ANK3: variants seen among roughly 807,000 people sequenced by gnomAD.
ANK3 encodes the protein ankyrin-3.
ANK3 carries 57 observed loss-of-function variants against 370.9 expected under a neutral mutation model. The observed-to-expected ratio is 0.15, with a 90% confidence interval of 0.12 to 0.19. ANK3 has a LOEUF of 0.19. ANK3 is among the 10% of genes least tolerant of loss of function. The pLI, the probability that ANK3 is intolerant of heterozygous loss-of-function variation, is 1.00. For missense variants in ANK3, 4,439 were observed against 5,302.1 expected (o/e 0.84, Z 5.06); for synonymous variants, 1,929 against 1,946.3 (o/e 0.99, Z 0.23).
At chr10:60,242,333 G>A (rs1215078820) in intron 7 of ANK3, among the ~76,000 whole-genome samples, 1 of 151,846 alleles carries the variant, frequency 6.6e-6, no homozygotes, top group African/African-American at 2.4e-5. Flanking sequence ...AGTAATATAT[G>A]GTATTATATG....
chr10:60,662,485 T>G (rs2078947379), intron 1 of ANK3, among the ~76,000 whole-genome samples: 1 of 152,192 alleles, frequency 6.6e-6, no homozygotes, highest in African/African-American at 2.4e-5. Context: ...ATCTTAGGAT[T>G]TGTTAGAACC....
At chr10:60,263,032 AAAG>A (rs1297227436) in intron 6 of ANK3, among the ~76,000 whole-genome samples, 1 of 152,222 alleles carries the variant, frequency 6.6e-6, no homozygotes, top group Non-Finnish European at 1.5e-5. Flanking sequence ...AAGGCGATGC[AAAG>A]AAGAAGGGAG....
At chr10:60,731,390 A>G (rs1333393633) in intron 1 of ANK3, among the ~76,000 whole-genome samples, 3 of 152,240 alleles carry the variant, frequency 2.0e-5, no homozygotes, top group Non-Finnish European at 2.9e-5. Flanking sequence ...GAGCTACAAT[A>G]TCTGCTATGG....
chr10:60,440,919 G>T (rs148339562), intron 2 of ANK3, among the ~76,000 whole-genome samples: 4 of 152,168 alleles, frequency 2.6e-5, no homozygotes, highest in Admixed American at 1.3e-4. Context: ...CTAAAAAAGG[G>T]TAGTTCTTCA....
chr10:60,505,092 G>A (rs889563977), intron 2 of ANK3, among the ~76,000 whole-genome samples: 4 of 152,108 alleles, frequency 2.6e-5, no homozygotes, highest in African/African-American at 4.8e-5. Flanking sequence ...ATATTTCAGC[G>A]CTCTCTACCC....
At chr10:60,202,403 G>A (rs867700065) in intron 12 of ANK3, among the ~76,000 whole-genome samples, 1 of 152,164 alleles carries the variant, frequency 6.6e-6, no homozygotes, top group African/African-American at 2.4e-5. Flanking sequence ...GATTACAAGC[G>A]TGAGCCACCG....
At chr10:60,385,950 A>T (rs1374114503) in intron 1 of ANK3, among the ~76,000 whole-genome samples, 2 of 152,172 alleles carry the variant, frequency 1.3e-5, no homozygotes, top group Non-Finnish European at 2.9e-5. Flanking sequence ...GGGAGAGGGC[A>T]TGACACGCAG....
intron 2 of ANK3, among the ~76,000 whole-genome samples, chr10:60,403,650 C>T (rs1301446941): frequency 3.9e-5 from 6 of 152,160 alleles, no homozygotes; most frequent in Non-Finnish European, 8.8e-5. Context: ...TGCAGCGGCG[C>T]GATCTCGGCT....
intron 2 of ANK3, among the ~76,000 whole-genome samples, chr10:60,533,018 G>A (rs2076644394): frequency 6.6e-6 from 1 of 152,080 alleles, no homozygotes; most frequent in African/African-American, 2.4e-5. Flanking sequence ...ATATCATGTT[G>A]GAATGCAACT....
chr10:60,075,163 A>C lies in ANK3; in HGVS notation c.5718T>G (p.Ala1906=), dbSNP rs1420236634. Reference sequence around the variant, plus strand: ...TCCGCATTAGGTCCTCTTTCATTTCAGCTACATCTTTTAGTATCTCCTGAC... The same window carrying C: ...TCCGCATTAGGTCCTCTTTCATTTCCGCTACATCTTTTAGTATCTCCTGAC... The part of the protein sequence containing the change: ...SSSQEILKDV[A]EMKEDLMRMT... Residue 1906 remains alanine (A), a synonymous_variant, in exon 37 of 44, where the codon GCT becomes GCG. Coordinates refer to ENST00000280772, the MANE Select transcript of ANK3 (RefSeq NM_020987.5). 1 of 1,614,134 alleles carries C rather than the reference A, an allele frequency of 6.2e-7. No individual in the cohort carries two copies. The highest frequency in any genetic ancestry group is 1.7e-5 in the Admixed American group (1 of 60,004).
chr10:60,531,406 T>C (rs2076602553), intron 2 of ANK3, among the ~76,000 whole-genome samples: 2 of 152,116 alleles, frequency 1.3e-5, no homozygotes, highest in Admixed American at 1.3e-4. Flanking sequence ...AACATAAATA[T>C]CTCTGGAAAG....
intron 18 of ANK3, among the ~76,000 whole-genome samples, chr10:60,180,613 A>AAC (rs2096141327): frequency 9.0e-6 from 1 of 111,370 alleles, no homozygotes; most frequent in African/African-American, 3.6e-5. Flanking sequence ...AAAAAAAAAA[A>AAC]CCAAAAAAAA....
chr10:60,312,003 A>C (rs2046450485), intron 1 of ANK3, among the ~76,000 whole-genome samples: 1 of 152,246 alleles, frequency 6.6e-6, no homozygotes, highest in Non-Finnish European at 1.5e-5. Context: ...TCTTGTGAAC[A>C]GTACCAGGAA....
chr10:60,190,618 T>A (rs2096459725), intron 16 of ANK3, among the ~76,000 whole-genome samples: 1 of 152,224 alleles, frequency 6.6e-6, no homozygotes, highest in Non-Finnish European at 1.5e-5. Context: ...TTGCTGCCTG[T>A]GGCTTGAAAG....
chr10:60,447,995 G>A (rs2133030805), intron 2 of ANK3, among the ~76,000 whole-genome samples: 1 of 152,230 alleles, frequency 6.6e-6, no homozygotes, highest in South Asian at 2.1e-4. Flanking sequence ...AATGAAGGAG[G>A]GGCAGATAGG....
At chr10:60,597,913 C>T (rs1338032024) in intron 2 of ANK3, among the ~76,000 whole-genome samples, 1 of 152,134 alleles carries the variant, frequency 6.6e-6, no homozygotes, top group Non-Finnish European at 1.5e-5. Flanking sequence ...AGTATATATT[C>T]TAAAGTGGTT....
chr10:60,591,163 T>C (rs2133292353), intron 2 of ANK3, among the ~76,000 whole-genome samples: 1 of 152,216 alleles, frequency 6.6e-6, no homozygotes, highest in South Asian at 2.1e-4. Context: ...TAACTGGACA[T>C]TTTCTGGGGC....
chr10:60,667,066 GT>G (rs1371166495), intron 1 of ANK3, among the ~76,000 whole-genome samples: 1 of 151,608 alleles, frequency 6.6e-6, no homozygotes, highest in Admixed American at 6.6e-5. Context: ...AAAAAAAATT[GT>G]TTGATATTCA....
chr10:60,573,616 TG>T (rs747206575), intron 2 of ANK3, among the ~76,000 whole-genome samples: 5 of 152,174 alleles, frequency 3.3e-5, no homozygotes, highest in Non-Finnish European at 5.9e-5. Flanking sequence ...CACACCTGGG[TG>T]GAAACCCCCT....
Sources: allele counts gnomAD v4.1 joint callset (sites outside exome capture counted in the v4.1 genomes callset), GRCh38; gene constraint gnomAD v4.1.1; transcripts MANE v1.5; gene names NCBI Gene and HGNC (gene_info 2026-07-23, HGNC 2026-07-21).